The following CCDC73 variants were observed in gnomAD, a reference collection of about 807,000 sequenced individuals.
CCDC73 encodes coiled-coil domain containing 73, also known as coiled-coil domain-containing protein 73.
A neutral mutation model predicts 116.5 loss-of-function variants in CCDC73; 95 were observed. That is an observed-to-expected ratio of 0.82 (90% CI 0.69 to 0.97). CCDC73 has a LOEUF of 0.97. CCDC73 is among the 50% of genes least tolerant of loss of function. The probability of loss-of-function intolerance (pLI) is 0.00; values close to 1 mark genes in which losing one functional copy is unlikely to be tolerated. For synonymous variants in CCDC73, 398 were observed against 401.3 expected (o/e 0.99, Z 0.10); for missense variants, 1,066 against 1,206.8 (o/e 0.88, Z 1.73).
At chr11:32,697,582 TA>T (rs1849763643) in intron 6 of CCDC73, among the ~76,000 whole-genome samples, 1 of 150,682 alleles carries the variant, frequency 6.6e-6, no homozygotes, top group African/African-American at 2.4e-5. Flanking sequence ...CTCCCAGATT[TA>T]AGCGATTCTC....
At chr11:32,762,810 C>G (rs1850403539) in intron 1 of CCDC73, among the ~76,000 whole-genome samples, 1 of 152,108 alleles carries the variant, frequency 6.6e-6, no homozygotes, top group South Asian at 2.1e-4. Flanking sequence ...CATCGCCTTA[C>G]CCAGGAAGTG....
At position 32,614,152 on chromosome 11, in the gene CCDC73, A is replaced by C. The variant is rs770650999; in HGVS notation, c.2166T>G (p.Leu722=). ...YAAFSANSKL[L]LKNSDKNVHS... ...GGACATTTTTATCTGAGTTCTTCAGAAGTAGTTTTGAATTAGCACTAAAAG... is the reference window on the plus strand; with the variant it reads ...GGACATTTTTATCTGAGTTCTTCAGCAGTAGTTTTGAATTAGCACTAAAAG... Residue 722 remains leucine, a synonymous_variant, in exon 16 of 18, where the codon CTT becomes CTG. Coordinates refer to ENST00000335185, the MANE Select transcript of CCDC73 (RefSeq NM_001008391.4). The C allele has an allele frequency of 4.3e-5, 70 of 1,613,740 alleles. No individual in the cohort carries two copies. The highest frequency in any genetic ancestry group is 5.7e-5 in the Non-Finnish European group (67 of 1,179,898).
rs1849825825 is a variant in CCDC73 at position 32,702,853 on chromosome 11, G to A, written c.279+20C>T. 6.6e-7 allele frequency: 1 copy of A among 1,526,066 alleles called. No individual in the cohort carries two copies. Among genetic ancestry groups the A allele is most frequent in the Non-Finnish European group, 9.1e-7 (1 of 1,099,766 alleles). The allele number at this position is 1,526,066 out of a possible 1,614,324, so 94.5% of individuals were successfully genotyped here. A position where few individuals can be genotyped will look rare whatever the true frequency, so the allele number is the denominator to read the frequency against. ...TGCAATATTTAAAATGGTAGTGTTT[G>A]TCTATCCTTATGAAATTACCTGCTT... On this transcript the variant is annotated intron_variant, in intron 4 of 17. Transcript: ENST00000335185.
In CCDC73 at chr11:32,616,071, G is replaced by A; in HGVS notation, c.1244C>T (p.Thr415Ile). Residue 415 changes from threonine to isoleucine, a missense_variant, in exon 15 of 18, where the codon ACC becomes ATC. Thr to Ile is a moderately conservative substitution (Grantham distance 89). Coordinates refer to ENST00000335185, the MANE Select transcript of CCDC73 (RefSeq NM_001008391.4). ...CTCAGTATTATATTTCTGTATAATG[G>A]TGTTTTCTGATTTTTCAGTTGACAT... ...SEMSTEKSEN[T>I]IIQKYNTEQE... The A allele has an allele frequency of 6.3e-7, 1 of 1,588,258 alleles. No individual in the cohort carries two copies. Among genetic ancestry groups the A allele is most frequent in the East Asian group, 2.3e-5 (1 of 44,030 alleles).
At chr11:32,783,064 C>T (rs1418699518) in intron 1 of CCDC73, among the ~76,000 whole-genome samples, 1 of 151,778 alleles carries the variant, frequency 6.6e-6, no homozygotes, top group African/African-American at 2.4e-5. Flanking sequence ...TATAACTTCA[C>T]ATATTAAAAG....
intron 9 of CCDC73, among the ~76,000 whole-genome samples, chr11:32,660,385 C>A (rs989329164): frequency 1.3e-5 from 2 of 151,930 alleles, no homozygotes; most frequent in African/African-American, 4.8e-5. Context: ...TCCAACCCTT[C>A]CTTCAACCAC....
chr11:32,706,397 G>A (rs1849856413), intron 3 of CCDC73, among the ~76,000 whole-genome samples: 1 of 151,988 alleles, frequency 6.6e-6, no homozygotes, highest in African/African-American at 2.4e-5. Flanking sequence ...TCAAAAAAAA[G>A]GCTTAGAACA....
rs540292754 is a variant in CCDC73 at position 32,691,935 on chromosome 11, C to A, written c.390+7316G>T. Among the ~76,000 whole-genome samples the A allele has an allele frequency of 1.2e-3, 187 of 151,390 alleles. 1 individual carries two copies. The highest frequency in any genetic ancestry group is 1.8e-3 in the Non-Finnish European group (120 of 67,948). ...TGGTGGCAGGTGCCTGTAGTCCCAG[C>A]TACTTGGGAGGCTGAGGCAGGAGAA... On this transcript the variant is annotated intron_variant, in intron 6 of 17. Coordinates refer to ENST00000335185, the MANE Select transcript of CCDC73 (RefSeq NM_001008391.4).
chr11:32,773,698 T>G (rs528322084), intron 1 of CCDC73, among the ~76,000 whole-genome samples: 2 of 151,810 alleles, frequency 1.3e-5, no homozygotes, highest in South Asian at 4.2e-4. Context: ...GAGAATCACT[T>G]GAGCCCAGGA....
At chr11:32,607,457 T>C (rs1242466851) in intron 17 of CCDC73, among the ~76,000 whole-genome samples, 1 of 152,150 alleles carries the variant, frequency 6.6e-6, no homozygotes, top group Non-Finnish European at 1.5e-5. Flanking sequence ...CAAAAAGAAC[T>C]CCCCTATTAG....
chr11:32,662,507 C>T (rs1351902350), intron 9 of CCDC73, among the ~76,000 whole-genome samples: 2 of 151,848 alleles, frequency 1.3e-5, no homozygotes, highest in Non-Finnish European at 2.9e-5. Flanking sequence ...CTGCTCGTCT[C>T]CTTTGCCCAC....
At chr11:32,788,462 T>C in intron 1 of CCDC73, among the ~76,000 whole-genome samples, 1 of 151,774 alleles carries the variant, frequency 6.6e-6, no homozygotes, top group East Asian at 1.9e-4. Flanking sequence ...TGATACAAAT[T>C]TGATGGTACA....
chr11:32,801,843 G>A, the CCDC73 span, among the ~76,000 whole-genome samples: 1 of 152,184 alleles, frequency 6.6e-6, no homozygotes, highest in East Asian at 1.9e-4. Flanking sequence ...GAAGCTTAAA[G>A]AAGGGTCTCA....
At chr11:32,664,008 C>A (rs1030282317) in intron 9 of CCDC73, among the ~76,000 whole-genome samples, 4 of 152,158 alleles carry the variant, frequency 2.6e-5, no homozygotes, top group Non-Finnish European at 5.9e-5. Context: ...GTTGAACCAA[C>A]CTTGCATCCC....
intron 7 of CCDC73, among the ~76,000 whole-genome samples, chr11:32,679,710 C>G (rs1008592450): frequency 6.6e-6 from 1 of 152,058 alleles, no homozygotes; most frequent in Admixed American, 6.6e-5. Context: ...ATTTACGTAG[C>G]CTTCATTAGA....
intron 2 of CCDC73, among the ~76,000 whole-genome samples, chr11:32,733,921 G>C (rs944346122): frequency 6.6e-6 from 1 of 152,136 alleles, no homozygotes; most frequent in Non-Finnish European, 1.5e-5. Flanking sequence ...ACTAAGATCA[G>C]AGCAGAACTG....
rs1416467399 is a variant in CCDC73 at position 32,776,934 on chromosome 11, AAAAT to A, written c.-15-16680_-15-16677del. 8.3e-3 allele frequency among the ~76,000 whole-genome samples: 250 copies of A among 30,184 alleles called. 7 individuals are homozygous for A. The East Asian group carries it at 0.23, about 27-fold the overall frequency. 19.8% of individuals were successfully genotyped at this position (30,184 alleles called of 152,430 possible). Reference sequence around the variant, plus strand: ...TCCTACAGAGTATGGTTAAAAAAAAAAAATATATATATATATATATATATATACA... The same window carrying A: ...TCCTACAGAGTATGGTTAAAAAAAAAATATATATATATATATATATATACA... On this transcript the variant is annotated intron_variant, in intron 1 of 17. Transcript: ENST00000335185.
rs373850831 is a variant in CCDC73 at position 32,727,604 on chromosome 11, G to A, written c.136-9457C>T. On this transcript the variant is annotated intron_variant, in intron 2 of 17. Coordinates refer to ENST00000335185, the MANE Select transcript of CCDC73 (RefSeq NM_001008391.4). ...TTTCTTTTTTTTGAGACGTTGTCTC[G>A]CTCTGTCCCCCAGGCTGGAGCGCAG... is the stretch of plus-strand genomic sequence containing the variant. Among the ~76,000 whole-genome samples, 75 of 151,766 alleles carry A rather than the reference G, an allele frequency of 4.9e-4. No homozygotes were observed. The East Asian group carries it at 9.9e-3, about 20-fold the overall frequency.
intron 7 of CCDC73, 65 bp downstream of exon 7, chr11:32,683,471 C>A: frequency 9.5e-7 from 1 of 1,054,744 alleles, no homozygotes; most frequent in Non-Finnish European, 1.5e-6. Flanking sequence ...ATTTTATTCC[C>A]AAAAACACCA....
Sources: allele counts gnomAD v4.1 joint callset (sites outside exome capture counted in the v4.1 genomes callset), GRCh38; gene constraint gnomAD v4.1.1; transcripts MANE v1.5; gene names NCBI Gene and HGNC (gene_info 2026-07-23, HGNC 2026-07-21).